CSMD1: variants seen among roughly 807,000 people sequenced by gnomAD.
The protein encoded by CSMD1 is CUB and Sushi multiple domains 1.
A neutral mutation model predicts 417.5 loss-of-function variants in CSMD1; 213 were observed. The ratio of observed to expected loss-of-function variants is 0.51; its 90% CI spans 0.46 to 0.57. The LOEUF (loss-of-function observed/expected upper bound fraction) is 0.57, where lower values mean the gene tolerates loss of function less well. Ranked by LOEUF, CSMD1 falls within the 20% of genes least tolerant of loss-of-function variation. The pLI is 0.00. For synonymous variants in CSMD1, 2,862 were observed against 1,736.8 expected, an observed-to-expected ratio of 1.65 and a Z score of -16.11; for missense variants, 6,923 against 4,529.7, an observed-to-expected ratio of 1.53 and a Z score of -15.17.
At chr8:3,002,991 A>G (rs1415423701) in intron 52 of CSMD1, among the ~76,000 whole-genome samples, 1 of 152,232 alleles carries the variant, frequency 6.6e-6, no homozygotes, top group Non-Finnish European at 1.5e-5. Context: ...GCTTCCTAAT[A>G]CAGAACAATT....
At chr8:3,954,389 G>T (rs983946091) in intron 5 of CSMD1, among the ~76,000 whole-genome samples, 2 of 152,096 alleles carry the variant, frequency 1.3e-5, no homozygotes, top group African/African-American at 4.8e-5. Context: ...TTGAGACGGA[G>T]TCTCGCTCTG....
At chr8:3,328,618 T>C (rs1806691494) in intron 23 of CSMD1, among the ~76,000 whole-genome samples, 1 of 152,196 alleles carries the variant, frequency 6.6e-6, no homozygotes, top group Non-Finnish European at 1.5e-5. Flanking sequence ...GCTATGTGTC[T>C]GAGGGTTCAG....
chr8:4,254,580 A>T (rs980075956), intron 3 of CSMD1, among the ~76,000 whole-genome samples: 2 of 152,110 alleles, frequency 1.3e-5, no homozygotes, highest in African/African-American at 4.8e-5. Flanking sequence ...AAGCCTTCAC[A>T]TTCACTCACC....
intron 12 of CSMD1, among the ~76,000 whole-genome samples, chr8:3,461,055 C>A (rs139156799): frequency 6.6e-6 from 1 of 152,180 alleles, no homozygotes; most frequent in Admixed American, 6.5e-5. Flanking sequence ...CACATGAGTT[C>A]ATGTGACACG....
chr8:4,055,124 G>A (rs1563063206), intron 3 of CSMD1, among the ~76,000 whole-genome samples: 1 of 152,156 alleles, frequency 6.6e-6, no homozygotes, highest in Non-Finnish European at 1.5e-5. Flanking sequence ...TGTAGTAGAT[G>A]ATAGAAATAT....
In CSMD1 at chr8:4,759,885, G is replaced by C. The variant is rs151017016; in HGVS notation, c.86-122327C>G. Reference sequence around the variant, plus strand: ...CTGCAATGAATATAGGCATGCATGTGTATTTATAATAGCATGACTTATATT... The same window carrying C: ...CTGCAATGAATATAGGCATGCATGTCTATTTATAATAGCATGACTTATATT... On this transcript the variant is annotated intron_variant, in intron 1 of 69. Transcript: ENST00000635120. 2.3e-4 allele frequency among the ~76,000 whole-genome samples: 35 copies of C among 152,312 alleles called. 1 individual carries two copies. The East Asian group carries it at 6.0e-3, about 26-fold the overall frequency.
At chr8:3,680,532 G>C (rs1470334555) in intron 7 of CSMD1, among the ~76,000 whole-genome samples, 1 of 152,166 alleles carries the variant, frequency 6.6e-6, no homozygotes, top group Non-Finnish European at 1.5e-5. Context: ...CTCTGAAATT[G>C]AGGTAATAAT....
intron 4 of CSMD1, among the ~76,000 whole-genome samples, chr8:4,007,475 A>G (rs967152396): frequency 1.3e-5 from 2 of 151,888 alleles, no homozygotes; most frequent in Non-Finnish European, 2.9e-5. Flanking sequence ...AGCCCCTCAC[A>G]AGGCACTTTC....
intron 3 of CSMD1, among the ~76,000 whole-genome samples, chr8:4,305,097 C>A (rs747140226): frequency 2.0e-5 from 3 of 152,158 alleles, no homozygotes; most frequent in Admixed American, 6.5e-5. Context: ...AGGTTCCATG[C>A]CTCCTGGATA....
chr8:4,007,426 C>A (rs1280326963), intron 4 of CSMD1, among the ~76,000 whole-genome samples: 5 of 152,190 alleles, frequency 3.3e-5, no homozygotes, highest in African/African-American at 9.6e-5. Flanking sequence ...TTTGCAATGA[C>A]CACCTGCCTG....
At position 3,849,508 on chromosome 8, in the gene CSMD1, G is replaced by C. The variant is rs76310866; in HGVS notation, c.819-95466C>G. ...GAATCCATCAAATAAATGAGTAAAT[G>C]AGTAGCTCGACGGTTAGAATGACGA... On this transcript the variant is annotated intron_variant, in intron 5 of 69. Coordinates refer to ENST00000635120, the MANE Select transcript of CSMD1 (RefSeq NM_033225.6). Among the ~76,000 whole-genome samples the C allele has an allele frequency of 1.1e-4, 16 of 152,278 alleles. No homozygotes were observed. In the East Asian group the frequency reaches 1.5e-3, roughly 15 times the overall value.
rs544068608 is a variant in CSMD1 at position 3,961,622 on chromosome 8, C to T, written c.818+36281G>A. 2.0e-4 allele frequency among the ~76,000 whole-genome samples: 31 copies of T among 152,216 alleles called. 1 individual carries two copies. The South Asian group carries it at 4.6e-3, about 22-fold the overall frequency. On this transcript the variant is annotated intron_variant, in intron 5 of 69. Coordinates refer to ENST00000635120, the MANE Select transcript of CSMD1 (RefSeq NM_033225.6). ...ATTTACTCAGGCACCATTTGTAACA[C>T]AAAATCTGTTTTATGTAACATTCTT...
chr8:4,538,695 T>A (rs1165501119), intron 2 of CSMD1, among the ~76,000 whole-genome samples: 1 of 152,160 alleles, frequency 6.6e-6, no homozygotes, highest in Non-Finnish European at 1.5e-5. Context: ...AGTACCAACC[T>A]GGATAAGACA....
chr8:3,184,321 T>C (rs1821614328), intron 36 of CSMD1, among the ~76,000 whole-genome samples: 1 of 152,146 alleles, frequency 6.6e-6, no homozygotes, highest in Non-Finnish European at 1.5e-5. Context: ...ACTAACTCAT[T>C]TTCCAAACAT....
At chr8:4,716,006 G>A (rs1341739306) in intron 1 of CSMD1, among the ~76,000 whole-genome samples, 2 of 152,142 alleles carry the variant, frequency 1.3e-5, no homozygotes, top group South Asian at 2.1e-4. Context: ...GTGGTCCAAA[G>A]AGCACAGGGG....
chr8:4,405,402 A>G (rs915766965), intron 3 of CSMD1, among the ~76,000 whole-genome samples: 2 of 152,168 alleles, frequency 1.3e-5, no homozygotes, highest in African/African-American at 2.4e-5. Flanking sequence ...CTGCGTGAAC[A>G]TAAGCGAGTT....
chr8:3,578,210 T>C (rs929790443), intron 9 of CSMD1, among the ~76,000 whole-genome samples: 1 of 152,070 alleles, frequency 6.6e-6, no homozygotes, highest in African/African-American at 2.4e-5. Context: ...AATTAGGTAT[T>C]TGGAAAATAG....
At chr8:4,340,026 A>G (rs1800387205) in intron 3 of CSMD1, among the ~76,000 whole-genome samples, 1 of 152,200 alleles carries the variant, frequency 6.6e-6, no homozygotes, top group Non-Finnish European at 1.5e-5. Flanking sequence ...ACTTCTAGCG[A>G]AAATTATGTT....
chr8:3,640,968 T>C (rs987977908), intron 7 of CSMD1, among the ~76,000 whole-genome samples: 1 of 150,550 alleles, frequency 6.6e-6, no homozygotes, highest in Non-Finnish European at 1.5e-5. Context: ...GTATGTTAAA[T>C]AAGCTTTAGA....
Sources: allele counts gnomAD v4.1 joint callset (sites outside exome capture counted in the v4.1 genomes callset), GRCh38; gene constraint gnomAD v4.1.1; transcripts MANE v1.5; gene names NCBI Gene and HGNC (gene_info 2026-07-23, HGNC 2026-07-21).